Variants in MARCHF3 observed in about 807,000 individuals in gnomAD.
MARCHF3 encodes E3 ubiquitin-protein ligase MARCHF3.
In MARCHF3, 13 loss-of-function variants were observed where a neutral mutation model predicts 24.2. The observed-to-expected ratio is 0.54, with a 90% CI of 0.35 to 0.85. The LOEUF is 0.85. Among genes scored for constraint, MARCHF3 ranks in the 40% least tolerant of loss-of-function variants. The pLI is 0.01. For synonymous variants in MARCHF3, 144 were observed against 137.3 expected, an observed-to-expected ratio of 1.05 and a Z score of -0.34; for missense variants, 276 against 325.0, an observed-to-expected ratio of 0.85 and a Z score of 1.16.
intron 3 of MARCHF3, among the ~76,000 whole-genome samples, chr5:126,879,095 G>A (rs1406917044): frequency 6.6e-6 from 1 of 152,154 alleles, no homozygotes; most frequent in Non-Finnish European, 1.5e-5. Context: ...CTAAAGCTCA[G>A]GTGAGCTTCC....
intron 1 of MARCHF3, among the ~76,000 whole-genome samples, chr5:126,989,684 A>G (rs2126842091): frequency 6.6e-6 from 1 of 152,366 alleles, no homozygotes; most frequent in East Asian, 1.9e-4. Flanking sequence ...ATAAATTGTA[A>G]CACATGTAGA....
chr5:127,005,057 GA>G (rs1351207265), intron 1 of MARCHF3, among the ~76,000 whole-genome samples: 1 of 150,804 alleles, frequency 6.6e-6, no homozygotes, highest in Non-Finnish European at 1.5e-5. Flanking sequence ...TGAAAGTCCA[GA>G]AAAGAGTTCC....
chr5:126,907,073 G>A (rs1041455010), intron 3 of MARCHF3, among the ~76,000 whole-genome samples: 7 of 151,760 alleles, frequency 4.6e-5, no homozygotes, highest in Admixed American at 1.3e-4. Flanking sequence ...ATTTCGTTAC[G>A]TACCCAGTAG....
Position 126,894,383 on chromosome 5 carries a change from C to A in MARCHF3, c.394-15989G>T, listed in dbSNP as rs370301945. 5.9e-5 allele frequency among the ~76,000 whole-genome samples: 9 copies of A among 151,562 alleles called. No homozygotes were observed. The South Asian group carries it at 1.9e-3, about 32-fold the overall frequency. ...GTTAGTTGCAGTTTCTTCCTAGTCT[C>A]GATGGTCTTTACATTTTGGCATGAT... On this transcript the variant is annotated intron_variant, in intron 3 of 4. Coordinates refer to ENST00000308660, the MANE Select transcript of MARCHF3 (RefSeq NM_178450.5).
intron 1 of MARCHF3, among the ~76,000 whole-genome samples, chr5:127,012,979 T>C (rs1180905355): frequency 6.6e-6 from 1 of 152,194 alleles, no homozygotes; most frequent in Non-Finnish European, 1.5e-5. Flanking sequence ...AACACTCAAC[T>C]GAATCTCCAA....
At chr5:126,949,636 G>A (rs1176536764) in intron 1 of MARCHF3, among the ~76,000 whole-genome samples, 1 of 152,192 alleles carries the variant, frequency 6.6e-6, no homozygotes, top group East Asian at 1.9e-4. Context: ...AGACAGACAT[G>A]TGGCCAGTGA....
At chr5:126,918,307 T>A (rs1409516904) in intron 1 of MARCHF3, 80 bp from the exon 2 acceptor site, 29 of 843,520 alleles carry the variant, frequency 3.4e-5, no homozygotes, top group Non-Finnish European at 8.9e-6. Flanking sequence ...AACATCATCA[T>A]CATGTCATTA....
At chr5:126,972,522 C>A (rs1751053527) in intron 1 of MARCHF3, among the ~76,000 whole-genome samples, 2 of 152,172 alleles carry the variant, frequency 1.3e-5, no homozygotes, top group Non-Finnish European at 2.9e-5. Flanking sequence ...TCTCTTCTCT[C>A]CCTGCTTGTC....
chr5:127,025,563 G>A (rs1235608647), intron 1 of MARCHF3, among the ~76,000 whole-genome samples: 1 of 152,026 alleles, frequency 6.6e-6, no homozygotes, highest in East Asian at 1.9e-4. Flanking sequence ...TTTTCTCAGA[G>A]CTTAACATTT....
chr5:126,973,866 T>G (rs945950997), intron 1 of MARCHF3, among the ~76,000 whole-genome samples: 2 of 150,286 alleles, frequency 1.3e-5, no homozygotes, highest in African/African-American at 2.5e-5. Flanking sequence ...ATCCAGAATA[T>G]TAAGCAAAAT....
chr5:127,024,047 G>C (rs17592844), intron 1 of MARCHF3, among the ~76,000 whole-genome samples: 6,154 of 152,212 alleles, frequency 0.04, 138 homozygotes, highest in Non-Finnish European at 0.041. Context: ...AGGGGTATGG[G>C]AACAAAAGAG....
chr5:126,979,948 CAAAA>C (rs757849978), intron 1 of MARCHF3, among the ~76,000 whole-genome samples: 2 of 44,904 alleles, frequency 4.5e-5, no homozygotes, highest in African/African-American at 7.4e-5. Context: ...AACTCCATCT[CAAAA>C]AAAAAAAAAA....
rs949015097 is a variant in MARCHF3, at chr5:126,985,597, T to C, written c.-57+44753A>G. ...CAATTCCCCTGCCTCACCTCCCGAA[T>C]AGCTGGGACTACAGGCGCCCGCCAC... On this transcript the variant is annotated intron_variant, in intron 1 of 4. Transcript: ENST00000308660. 1.1e-4 allele frequency among the ~76,000 whole-genome samples: 16 copies of C among 151,766 alleles called. No homozygotes were observed. The East Asian group carries it at 1.2e-3, about 11-fold the overall frequency.
intron 1 of MARCHF3, among the ~76,000 whole-genome samples, chr5:126,989,117 A>G (rs1225125277): frequency 6.6e-6 from 1 of 152,002 alleles, no homozygotes; most frequent in East Asian, 1.9e-4. Flanking sequence ...CCATCTCTAC[A>G]AAAATTAAAA....
At chr5:126,946,056 A>G (rs1749998193) in intron 1 of MARCHF3, among the ~76,000 whole-genome samples, 1 of 151,922 alleles carries the variant, frequency 6.6e-6, no homozygotes, top group Non-Finnish European at 1.5e-5. Flanking sequence ...CAATTTAGTG[A>G]GTCTTGAGTG....
At chr5:126,894,951 C>A (rs1054384485) in intron 3 of MARCHF3, among the ~76,000 whole-genome samples, 2 of 152,064 alleles carry the variant, frequency 1.3e-5, no homozygotes. Flanking sequence ...GTACACCAAT[C>A]AGATGTAGAT....
chr5:126,953,781 T>C (rs1032337165), intron 1 of MARCHF3, among the ~76,000 whole-genome samples: 1 of 152,208 alleles, frequency 6.6e-6, no homozygotes, highest in African/African-American at 2.4e-5. Context: ...ATCTCTTTAA[T>C]TGCTTGTTCC....
At chr5:126,982,142 T>C (rs1250293782) in intron 1 of MARCHF3, among the ~76,000 whole-genome samples, 1 of 152,222 alleles carries the variant, frequency 6.6e-6, no homozygotes, top group Non-Finnish European at 1.5e-5. Context: ...CTGTGCTTCA[T>C]TCAAACTGAA....
At chr5:127,004,960 TAA>T (rs763590930) in intron 1 of MARCHF3, among the ~76,000 whole-genome samples, 6 of 143,460 alleles carry the variant, frequency 4.2e-5, no homozygotes, top group Non-Finnish European at 3.1e-5. Context: ...ATGCTGGAGT[TAA>T]AAAAAAAAAA....
Sources: allele counts gnomAD v4.1 joint callset (sites outside exome capture counted in the v4.1 genomes callset), GRCh38; gene constraint gnomAD v4.1.1; transcripts MANE v1.5; gene names NCBI Gene and HGNC (gene_info 2026-07-23, HGNC 2026-07-21).